Variants in MAP4 observed in about 807,000 individuals in gnomAD.
MAP4 encodes the protein microtubule-associated protein 4.
MAP4 carries 76 observed loss-of-function variants against 170.2 expected under a neutral mutation model. That is an observed-to-expected ratio of 0.45 (90% CI 0.37 to 0.54). The LOEUF (loss-of-function observed/expected upper bound fraction) is 0.54. Ranked by LOEUF, MAP4 falls within the 20% of genes least tolerant of loss-of-function variation. The pLI is 0.00. For missense variants in MAP4, 2,506 were observed against 2,748.0 expected (o/e 0.91, Z 1.97); for synonymous variants, 909 against 994.5 (o/e 0.91, Z 1.62).
intron 8 of MAP4, among the ~76,000 whole-genome samples, chr3:47,914,586 AC>A (rs2100037610): frequency 6.6e-6 from 1 of 151,872 alleles, no homozygotes; most frequent in South Asian, 2.1e-4. Flanking sequence ...AACAAAAAAA[AC>A]AGTGGAGAAA....
At chr3:47,871,529 C>T (rs1049981118) in intron 13 of MAP4, among the ~76,000 whole-genome samples, 2 of 152,152 alleles carry the variant, frequency 1.3e-5, no homozygotes, top group Non-Finnish European at 2.9e-5. Flanking sequence ...TGCCTATGGA[C>T]TTGAATAGCC....
Position 47,852,639 on chromosome 3 carries a change from G to T in MAP4, c.*295C>A. 1 of 1,063,258 alleles carries T rather than the reference G, an allele frequency of 9.4e-7. No individual in the cohort carries two copies. Among genetic ancestry groups the T allele is most frequent in the Non-Finnish European group, 1.3e-6 (1 of 759,686 alleles). 65.9% of individuals were successfully genotyped at this position (1,063,258 alleles called of 1,614,324 possible). ...CCAACCTCCTCCACGGAGCAGTGGC[G>T]CAGTGATGGGGCAAGACCAAAGCAG... On this transcript the variant is annotated 3_prime_UTR_variant, in exon 21 of 21. Coordinates refer to ENST00000683076, the MANE Select transcript of MAP4 (RefSeq NM_001385682.1).
intron 1 of MAP4, among the ~76,000 whole-genome samples, chr3:48,082,565 G>A (rs1430065274): frequency 3.3e-5 from 5 of 152,184 alleles, no homozygotes; most frequent in Non-Finnish European, 1.5e-5. Flanking sequence ...ATTTTCGGAG[G>A]ATGAGGCCGG....
chr3:47,965,995 T>A (rs117486403), intron 3 of MAP4, among the ~76,000 whole-genome samples: 6 of 152,198 alleles, frequency 3.9e-5, no homozygotes, highest in African/African-American at 1.4e-4. Flanking sequence ...TTCTAAGAAA[T>A]GTATAGCCTT....
chr3:47,952,995 T>C (rs1559581823), intron 3 of MAP4, among the ~76,000 whole-genome samples: 1 of 152,200 alleles, frequency 6.6e-6, no homozygotes, highest in Non-Finnish European at 1.5e-5. Context: ...TCCATGGTAC[T>C]GTAGGTCATT....
rs763834865 is a variant in MAP4, at chr3:47,870,863, A to T, written c.6244T>A (p.Ser2082Thr). ...TSAPDLKNVR[S>T]KVGSTENIKH... is the part of the protein sequence containing the mutation. ...ATGTTTTCCGTGGAGCCAACCTTGGAGCGGACATTCTTCAGATCAGGAGCA... is the reference window on the plus strand; with the variant it reads ...ATGTTTTCCGTGGAGCCAACCTTGGTGCGGACATTCTTCAGATCAGGAGCA... Residue 2082 changes from serine (S) to threonine (T), a missense_variant, in exon 15 of 21, where the codon TCC becomes ACC. By Grantham distance (58) the Ser-to-Thr change is moderately conservative. This residue lies in a region of MAP4 where 487 missense variants were observed against 511.6 expected (regional missense o/e 0.95). Transcript: ENST00000683076. 53 of 1,605,442 alleles carry T rather than the reference A, an allele frequency of 3.3e-5. 1 individual carries two copies. The South Asian group carries it at 5.9e-4, about 18-fold the overall frequency.
intron 3 of MAP4, chr3:47,973,798 C>T: frequency 3.0e-6 from 3 of 985,322 alleles, no homozygotes; most frequent in Non-Finnish European, 3.6e-6. Context: ...GAAAGAAACC[C>T]CAAAATCAAC....
intron 1 of MAP4, among the ~76,000 whole-genome samples, chr3:48,055,417 G>C (rs1274971897): frequency 3.3e-5 from 5 of 151,826 alleles, no homozygotes; most frequent in African/African-American, 9.7e-5. Flanking sequence ...TGTTGGCCGG[G>C]CCGGTCTCCA....
At position 47,916,406 on chromosome 3, in the gene MAP4, G is replaced by T; in HGVS notation, c.1421C>A (p.Pro474Gln). 1 of 1,614,086 alleles carries T rather than the reference G, an allele frequency of 6.2e-7. No homozygotes were observed. Among genetic ancestry groups the T allele is most frequent in the East Asian group, 2.2e-5 (1 of 44,882 alleles). ...TGGGAGTTGAGCCATGTCCTTGACTGGGGCCACCTCTGCTTCTAAAGGTAG... is the reference window on the plus strand; with the variant it reads ...TGGGAGTTGAGCCATGTCCTTGACTTGGGCCACCTCTGCTTCTAAAGGTAG... ...KALPLEAEVAPVKDMAQLPET... is the reference protein window; with the variant it reads ...KALPLEAEVAQVKDMAQLPET... Residue 474 changes from proline (P) to glutamine (Q), a missense_variant, in exon 7 of 21, where the codon CCA becomes CAA. By Grantham distance (76) the Pro-to-Gln change is moderately conservative. This residue lies in a region of MAP4 where 2,008 missense variants were observed against 2,206.0 expected (regional missense o/e 0.91). Transcript: ENST00000683076.
intron 3 of MAP4, among the ~76,000 whole-genome samples, chr3:47,955,651 G>A (rs912568871): frequency 6.6e-6 from 1 of 152,116 alleles, no homozygotes. Flanking sequence ...CTCAAAACAT[G>A]TCAAAATTTC....
Position 48,013,616 on chromosome 3 carries a change from C to A in MAP4, c.-20+2718G>T, listed in dbSNP as rs569267594. On this transcript the variant is annotated intron_variant, in intron 1 of 20. Transcript: ENST00000683076. ...ATCATTTCAGTTAGCTATAAATAAA[C>A]CCCCTAAGACCCTCAGTGTGAATAT... 3 of 151,868 alleles carry A rather than the reference C, an allele frequency of 2.0e-5. No individual in the cohort carries two copies. In the South Asian group the frequency reaches 6.2e-4, roughly 32 times the overall value. The allele number at this position is 151,868 out of a possible 1,614,324, so 9.4% of individuals were successfully genotyped here. A position where few individuals can be genotyped will look rare whatever the true frequency, so the allele number is the denominator to read the frequency against.
At chr3:48,071,112 T>A (rs1261704971) in intron 1 of MAP4, among the ~76,000 whole-genome samples, 1 of 152,142 alleles carries the variant, frequency 6.6e-6, no homozygotes, top group Non-Finnish European at 1.5e-5. Flanking sequence ...TGTCTCGTAA[T>A]AAAGGGCAGA....
chr3:47,932,903 CTTTT>C (rs2100050673), intron 3 of MAP4, among the ~76,000 whole-genome samples: 1 of 151,856 alleles, frequency 6.6e-6, no homozygotes, highest in Non-Finnish European at 1.5e-5. Flanking sequence ...GCTTGGCTAT[CTTTT>C]TTTGTTTTTA....
intron 3 of MAP4, chr3:47,974,418 G>A: frequency 1.0e-6 from 1 of 962,782 alleles, no homozygotes; most frequent in South Asian, 4.8e-5. Flanking sequence ...GTGAGACCCT[G>A]TCTCAAAAAC....
chr3:47,946,627 C>A (rs2154065200), intron 3 of MAP4, among the ~76,000 whole-genome samples: 1 of 116,748 alleles, frequency 8.6e-6, no homozygotes, highest in Admixed American at 1.2e-4. Flanking sequence ...GCACTCCTGT[C>A]TGGGTGACAA....
intron 1 of MAP4, among the ~76,000 whole-genome samples, chr3:48,002,578 T>A (rs1177853261): frequency 7.1e-6 from 1 of 141,042 alleles, no homozygotes; most frequent in Non-Finnish European, 1.6e-5. Flanking sequence ...AAAAAATTTT[T>A]AAAAATAAAA....
rs1222637832 is a variant in MAP4, at chr3:47,981,637, G to C, written c.224-3704C>G. Among the ~76,000 whole-genome samples, 2 of 151,794 alleles carry C rather than the reference G, an allele frequency of 1.3e-5. 1 individual carries two copies. The highest frequency in any genetic ancestry group is 4.8e-5 in the African/African-American group (2 of 41,342). ...TACAAAAAATTAGCCAGGCATAGTG[G>C]CGTGTGAATCACAACTACTCTAGAG... On this transcript the variant is annotated intron_variant, in intron 2 of 20. Transcript: ENST00000683076.
chr3:48,004,710 C>G (rs1320729617), intron 1 of MAP4, among the ~76,000 whole-genome samples: 3 of 152,142 alleles, frequency 2.0e-5, no homozygotes, highest in Non-Finnish European at 4.4e-5. Context: ...AGAATGAGAC[C>G]CAGAAACTTG....
chr3:47,927,784 T>A (rs1380160790), intron 4 of MAP4, among the ~76,000 whole-genome samples: 2 of 152,160 alleles, frequency 1.3e-5, no homozygotes, highest in African/African-American at 4.8e-5. Context: ...CTGTTTTTAA[T>A]TTTATAGAAA....
Sources: allele counts gnomAD v4.1 joint callset (sites outside exome capture counted in the v4.1 genomes callset), GRCh38; gene constraint gnomAD v4.1.1; regional missense constraint gnomAD v4.1.1; transcripts MANE v1.5; gene names NCBI Gene and HGNC (gene_info 2026-07-23, HGNC 2026-07-21).